USP25: variants seen among roughly 807,000 people sequenced by gnomAD.
USP25 encodes the protein ubiquitin carboxyl-terminal hydrolase 25.
A neutral mutation model predicts 158.5 loss-of-function variants in USP25; 85 were observed. That is an observed-to-expected ratio of 0.54 (90% CI 0.45 to 0.64). The LOEUF (loss-of-function observed/expected upper bound fraction) is 0.64. Ranked by LOEUF, USP25 falls within the 30% of genes least tolerant of loss-of-function variation. USP25 has a pLI of 0.00. For synonymous variants in USP25, 464 were observed against 460.4 expected (o/e 1.01, Z -0.10); for missense variants, 1,242 against 1,327.3 (o/e 0.94, Z 1.00).
At chr21:15,811,292 A>G in intron 9 of USP25, 82 bp downstream of exon 9, 1 of 1,260,692 alleles carries the variant, frequency 7.9e-7, no homozygotes, top group Non-Finnish European at 1.1e-6. Context: ...CTATTTTTTT[A>G]GTGGACTTTA....
intron 17 of USP25, among the ~76,000 whole-genome samples, chr21:15,838,403 T>C (rs1267376735): frequency 6.6e-6 from 1 of 152,038 alleles, no homozygotes; most frequent in East Asian, 1.9e-4. Context: ...AGAAACAAAA[T>C]AGTCACACAA....
intron 20 of USP25, among the ~76,000 whole-genome samples, chr21:15,858,152 C>A (rs148932940): frequency 6.6e-6 from 1 of 152,018 alleles, no homozygotes; most frequent in Non-Finnish European, 1.5e-5. Context: ...AATTTTTGTT[C>A]TTTTATAAAC....
chr21:15,766,274 TG>T lies in USP25; in HGVS notation c.268+134del. Reference sequence around the variant, plus strand: ...CTCTATTAACCTTGGTTCTTTTTAATGTAGTTGAAAGGAACATACATTATCT... The same window carrying T: ...CTCTATTAACCTTGGTTCTTTTTAATTAGTTGAAAGGAACATACATTATCT... On this transcript the variant is annotated intron_variant, in intron 3 of 25. Transcript: ENST00000400183. This position sits in a 1 kb window ranked among gnomAD's most constrained non-coding sequence, Gnocchi z 4.0. 1 of 727,410 alleles carries T rather than the reference TG, an allele frequency of 1.4e-6. No individual in the cohort carries two copies. The highest frequency in any genetic ancestry group is 2.0e-6 in the Non-Finnish European group (1 of 502,970). The allele number at this position is 727,410 out of a possible 1,614,324, so 45.1% of individuals were successfully genotyped here.
chr21:15,842,913 G>A (rs540937673), intron 18 of USP25, among the ~76,000 whole-genome samples: 2 of 152,042 alleles, frequency 1.3e-5, no homozygotes, highest in African/African-American at 2.4e-5. Context: ...GAGAATTTAA[G>A]ACCTAATTGT....
At chr21:15,857,257 A>ATAAT (rs2039196148) in intron 20 of USP25, among the ~76,000 whole-genome samples, 1 of 152,226 alleles carries the variant, frequency 6.6e-6, no homozygotes, top group Admixed American at 6.5e-5. Flanking sequence ...TATTCTTATT[A>ATAAT]AATTTATCAG....
intron 5 of USP25, among the ~76,000 whole-genome samples, chr21:15,794,234 A>C (rs757762049): frequency 2.0e-5 from 3 of 151,644 alleles, no homozygotes; most frequent in Non-Finnish European, 3.0e-5. Context: ...ATAGCTTTGC[A>C]TACTTATTAT....
At chr21:15,809,333 C>CT (rs2036542280) in intron 8 of USP25, among the ~76,000 whole-genome samples, 1 of 152,124 alleles carries the variant, frequency 6.6e-6, no homozygotes, top group East Asian at 1.9e-4. Context: ...TACTGTGTCT[C>CT]TAAGTTTCTG....
In USP25 at chr21:15,824,177, A is replaced by T. The variant is rs2037373602; in HGVS notation, c.1208+11A>T. The T allele has an allele frequency of 6.2e-7, 1 of 1,610,332 alleles. No homozygotes were observed. Among genetic ancestry groups the T allele is most frequent in the Non-Finnish European group, 8.5e-7 (1 of 1,179,512 alleles). On this transcript the variant is annotated intron_variant, in intron 11 of 25. Coordinates refer to ENST00000400183, the MANE Select transcript of USP25 (RefSeq NM_001283041.3). ...TTTATATTTGGACAGGTATGGTTTG[A>T]TATACTGCATGACTTAGTTTGAAAC... is the stretch of plus-strand genomic sequence containing the variant.
At chr21:15,844,713 A>G (rs968979639) in intron 18 of USP25, among the ~76,000 whole-genome samples, 6 of 152,168 alleles carry the variant, frequency 3.9e-5, no homozygotes, top group Non-Finnish European at 5.9e-5. Context: ...CCTGAGAAAA[A>G]GTCATGCATA....
At chr21:15,864,214 T>C in intron 20 of USP25, 54 bp from the exon 21 acceptor site, 1 of 1,534,158 alleles carries the variant, frequency 6.5e-7, no homozygotes, top group African/African-American at 1.4e-5. Context: ...TATTGAAGGA[T>C]TTTTTGGTGT....
intron 1 of USP25, among the ~76,000 whole-genome samples, chr21:15,756,627 A>T (rs2033395518): frequency 6.6e-6 from 1 of 152,138 alleles, no homozygotes; most frequent in African/African-American, 2.4e-5. Flanking sequence ...TTTAATTTAT[A>T]TTGAAATTAC....
chr21:15,777,887 A>AT lies in USP25; in HGVS notation c.269-16dup. 6.4e-7 allele frequency: 1 copy of AT among 1,563,762 alleles called. No homozygotes were observed. The highest frequency in any genetic ancestry group is 1.2e-5 in the South Asian group (1 of 82,430). On this transcript the variant is annotated splice_polypyrimidine_tract_variant and intron_variant, in intron 3 of 25. Coordinates refer to ENST00000400183, the MANE Select transcript of USP25 (RefSeq NM_001283041.3). ...TGTTTTACTTTTAATTTTGAGAAAG[A>AT]TAGTTTTGCTTTTCAGATGTGATTG...
intron 16 of USP25, among the ~76,000 whole-genome samples, chr21:15,832,943 G>A (rs1032372839): frequency 7.2e-5 from 11 of 152,162 alleles, no homozygotes; most frequent in East Asian, 5.8e-4. Context: ...GTCTGAACCC[G>A]GAAGGCGGAG....
intron 20 of USP25, among the ~76,000 whole-genome samples, chr21:15,858,981 A>G (rs1237312103): frequency 6.6e-6 from 1 of 151,840 alleles, no homozygotes; most frequent in South Asian, 2.1e-4. Flanking sequence ...AAATTATTGT[A>G]AACACTTTTT....
At position 15,847,773 on chromosome 21, in the gene USP25, C is replaced by A; in HGVS notation, c.2448C>A (p.Asp816Glu). 6.5e-7 allele frequency: 1 copy of A among 1,545,034 alleles called. No individual in the cohort carries two copies. The highest frequency in any genetic ancestry group is 8.8e-7 in the Non-Finnish European group (1 of 1,142,092). ...MIESKEGGYD[D>E]EIMMTPNMQG... ...AATCAAAGGAGGGGGGGTATGATGACGAGGTACCTTTTACAGCCCTCTGCA... is the reference window on the plus strand; with the variant it reads ...AATCAAAGGAGGGGGGGTATGATGAAGAGGTACCTTTTACAGCCCTCTGCA... Residue 816 changes from aspartate (D) to glutamate (E), a missense_variant, in exon 19 of 26, where the codon GAC becomes GAA. By Grantham distance (45) the Asp-to-Glu change is conservative (BLOSUM62 2). Coordinates refer to ENST00000400183, the MANE Select transcript of USP25 (RefSeq NM_001283041.3).
intron 5 of USP25, among the ~76,000 whole-genome samples, chr21:15,798,173 C>T (rs2035953555): frequency 6.6e-6 from 1 of 151,352 alleles, no homozygotes; most frequent in Middle Eastern, 3.4e-3. Context: ...AAGGTTATTT[C>T]TCTGTCCTTA....
chr21:15,749,937 C>G (rs1481672485), intron 1 of USP25, among the ~76,000 whole-genome samples: 1 of 152,100 alleles, frequency 6.6e-6, no homozygotes, highest in Non-Finnish European at 1.5e-5. Flanking sequence ...CATGGAGCCC[C>G]TAAAGCCTTT....
chr21:15,759,530 C>T (rs996492747), intron 1 of USP25, among the ~76,000 whole-genome samples: 1 of 152,178 alleles, frequency 6.6e-6, no homozygotes, highest in African/African-American at 2.4e-5. Context: ...CACAGGGTGG[C>T]TTCCAGGTCA....
chr21:15,808,913 G>C, intron 8 of USP25, 28 bp downstream of exon 8: 1 of 1,536,064 alleles, frequency 6.5e-7, no homozygotes, highest in Non-Finnish European at 8.9e-7. Flanking sequence ...TTAGCAATGG[G>C]GTTTTAGGAA....
Sources: allele counts gnomAD v4.1 joint callset (sites outside exome capture counted in the v4.1 genomes callset), GRCh38; gene constraint gnomAD v4.1.1; non-coding constraint Gnocchi (gnomAD v3.1); transcripts MANE v1.5; gene names NCBI Gene and HGNC (gene_info 2026-07-23, HGNC 2026-07-21).